The following CPD variants were observed in gnomAD, a reference collection of about 807,000 sequenced individuals.
CPD encodes carboxypeptidase D.
CPD carries 69 observed loss-of-function variants against 138.3 expected under a neutral mutation model. The ratio of observed to expected loss-of-function variants is 0.50; its 90% CI spans 0.41 to 0.61. CPD has a LOEUF of 0.61. Among genes scored for constraint, CPD ranks in the 20% least tolerant of loss-of-function variants. The pLI is 0.00. For missense variants in CPD, 1,432 were observed against 1,733.3 expected (o/e 0.83, Z 3.09); for synonymous variants, 651 against 642.1 (o/e 1.01, Z -0.21).
rs1913589563 is a variant in CPD, at chr17:30,464,757, T to C, written c.4086T>C (p.His1362=). Residue 1362 remains histidine (H), a synonymous_variant, in exon 21 of 21, where the codon CAT becomes CAC. Coordinates refer to ENST00000225719, the MANE Select transcript of CPD (RefSeq NM_001304.5). ...STGSKKSLLS[H]EFQDETDTEE... is the part of the protein sequence containing the mutation. ...GCTCCAAGAAGTCCCTCCTAAGCCA[T>C]GAGTTCCAGGATGAAACAGACACTG... 1 of 1,613,988 alleles carries C rather than the reference T, an allele frequency of 6.2e-7. No individual in the cohort carries two copies. The highest frequency in any genetic ancestry group is 2.2e-5 in the East Asian group (1 of 44,872).
intron 2 of CPD, among the ~76,000 whole-genome samples, chr17:30,406,577 G>C (rs1911804818): frequency 6.6e-6 from 1 of 152,002 alleles, no homozygotes; most frequent in African/African-American, 2.4e-5. Context: ...TGATCTTCTT[G>C]CTGGGTCTTA....
At chr17:30,437,275 C>T (rs1912727814) in intron 8 of CPD, among the ~76,000 whole-genome samples, 1 of 151,986 alleles carries the variant, frequency 6.6e-6, no homozygotes, top group Non-Finnish European at 1.5e-5. Context: ...TAAATGGAGT[C>T]AATGTGTGGA....
rs1412487774 is a variant in CPD at position 30,427,377 on chromosome 17, A to G, written c.1850-14A>G. 18 of 1,612,358 alleles carry G rather than the reference A, an allele frequency of 1.1e-5. No homozygotes were observed. Among genetic ancestry groups the G allele is most frequent in the Non-Finnish European group, 1.4e-5 (17 of 1,178,438 alleles). On this transcript the variant is annotated splice_polypyrimidine_tract_variant and intron_variant, in intron 6 of 20. Coordinates refer to ENST00000225719, the MANE Select transcript of CPD (RefSeq NM_001304.5). ...AACATGGCTTATATTCAAATCCTTTATCATATCATACAGGAGATTCAATAA... is the reference window on the plus strand; with the variant it reads ...AACATGGCTTATATTCAAATCCTTTGTCATATCATACAGGAGATTCAATAA...
chr17:30,433,287 A>G (rs1422506526), intron 8 of CPD, among the ~76,000 whole-genome samples: 1 of 152,196 alleles, frequency 6.6e-6, no homozygotes, highest in Admixed American at 6.5e-5. Flanking sequence ...CCAACCATCA[A>G]AATAAAAATT....
At chr17:30,431,511 A>G (rs962331445) in intron 7 of CPD, among the ~76,000 whole-genome samples, 1 of 152,078 alleles carries the variant, frequency 6.6e-6, no homozygotes, top group African/African-American at 2.4e-5. Context: ...TATTGATGCT[A>G]ATTATTTTTT....
intron 2 of CPD, among the ~76,000 whole-genome samples, chr17:30,420,203 T>C (rs1912228815): frequency 6.6e-6 from 1 of 152,228 alleles, no homozygotes; most frequent in Admixed American, 6.5e-5. Context: ...ATCTTCCGTT[T>C]AACACATTTT....
chr17:30,436,274 C>T (rs1435505212), intron 8 of CPD, among the ~76,000 whole-genome samples: 1 of 152,104 alleles, frequency 6.6e-6, no homozygotes, highest in African/African-American at 2.4e-5. Context: ...GATCATGCCA[C>T]TGCACTCCAG....
intron 2 of CPD, among the ~76,000 whole-genome samples, chr17:30,390,465 A>T (rs1255744025): frequency 6.6e-6 from 1 of 152,248 alleles, no homozygotes; most frequent in East Asian, 1.9e-4. Context: ...TAACTTGTGC[A>T]ATATAATGTA....
Position 30,394,310 on chromosome 17 carries a change from A to G in CPD, c.994+9074A>G, listed in dbSNP as rs145344479. 1.7e-4 allele frequency among the ~76,000 whole-genome samples: 26 copies of G among 152,210 alleles called. No individual in the cohort carries two copies. In the East Asian group the frequency reaches 3.9e-3, roughly 23 times the overall value. ...CCTACCTCTCCTCTGCCACCGGACTACTTGTCCTTCCCAAATGTGAACCTT... is the reference window on the plus strand; with the variant it reads ...CCTACCTCTCCTCTGCCACCGGACTGCTTGTCCTTCCCAAATGTGAACCTT... On this transcript the variant is annotated intron_variant, in intron 2 of 20. Coordinates refer to ENST00000225719, the MANE Select transcript of CPD (RefSeq NM_001304.5).
At chr17:30,387,681 G>A (rs973864912) in intron 2 of CPD, among the ~76,000 whole-genome samples, 6 of 152,236 alleles carry the variant, frequency 3.9e-5, no homozygotes, top group Admixed American at 6.5e-5. Flanking sequence ...ATTATAAAGT[G>A]TCTTATGACA....
At chr17:30,420,788 G>T (rs1336180653) in intron 2 of CPD, 53 bp from the exon 3 acceptor site, 4 of 1,497,118 alleles carry the variant, frequency 2.7e-6, no homozygotes, top group African/African-American at 1.4e-5. Flanking sequence ...CAGTCTTTTG[G>T]AGGGTAGAAT....
In CPD at chr17:30,446,035, C is replaced by T; in HGVS notation, c.2873+15C>T. 7.1e-7 allele frequency: 1 copy of T among 1,416,650 alleles called. No homozygotes were observed. Among genetic ancestry groups the T allele is most frequent in the South Asian group, 1.3e-5 (1 of 77,802 alleles). The allele number at this position is 1,416,650 out of a possible 1,614,324, so 87.8% of individuals were successfully genotyped here. On this transcript the variant is annotated intron_variant, in intron 12 of 20. Coordinates refer to ENST00000225719, the MANE Select transcript of CPD (RefSeq NM_001304.5). ...AATCTTACCAAGTAAGTGTCACTTT[C>T]TATTGTCTTTTTTTTTTTTTCAAGA...
At chr17:30,443,101 T>A (rs1912924185) in intron 10 of CPD, among the ~76,000 whole-genome samples, 1 of 152,134 alleles carries the variant, frequency 6.6e-6, no homozygotes, top group African/African-American at 2.4e-5. Context: ...ATACCTAGAT[T>A]TAACATTTTT....
chr17:30,421,612 G>A (rs573768546), intron 3 of CPD, 52 bp from the exon 4 acceptor site: 8 of 1,537,948 alleles, frequency 5.2e-6, no homozygotes, highest in East Asian at 2.3e-5. Flanking sequence ...GAAATTATGC[G>A]CTCTTGCCTT....
intron 17 of CPD, among the ~76,000 whole-genome samples, chr17:30,457,732 C>T (rs1041889795): frequency 6.6e-6 from 1 of 151,568 alleles, no homozygotes; most frequent in Admixed American, 6.6e-5. Flanking sequence ...ATGGCTCCTT[C>T]GCAGCTTATT....
chr17:30,465,601 T>TA lies in CPD; in HGVS notation c.*792dup, dbSNP rs1913615254. 6.6e-6 allele frequency: 1 copy of TA among 152,628 alleles called. No homozygotes were observed. Among genetic ancestry groups the TA allele is most frequent in the African/African-American group, 2.4e-5 (1 of 41,448 alleles). The allele number at this position is 152,628 out of a possible 1,614,324, so 9.5% of individuals were successfully genotyped here. The stretch of plus-strand genomic sequence containing the variant: ...TCATGTTGTCTATCTTTGAACTTGG[T>TA]AAAAACCCACAGGTGCTGCTGCTTA... On this transcript the variant is annotated 3_prime_UTR_variant, in exon 21 of 21. Coordinates refer to ENST00000225719, the MANE Select transcript of CPD (RefSeq NM_001304.5).
At chr17:30,461,127 C>G in intron 17 of CPD, 53 bp from the exon 18 acceptor site, 1 of 1,415,584 alleles carries the variant, frequency 7.1e-7, no homozygotes, top group South Asian at 1.4e-5. Flanking sequence ...AAGCCTTATT[C>G]TTTCTTTTAC....
intron 17 of CPD, among the ~76,000 whole-genome samples, chr17:30,459,169 G>GT (rs1913388221): frequency 2.2e-5 from 2 of 91,224 alleles, no homozygotes; most frequent in Non-Finnish European, 2.2e-5. Context: ...TTTTTTGGTT[G>GT]TTGTTTTCCT....
In CPD at chr17:30,468,463, G is replaced by A. The variant is rs1441491393; in HGVS notation, c.*3649G>A. 1.3e-5 allele frequency: 2 copies of A among 152,598 alleles called. No homozygotes were observed. Among genetic ancestry groups the A allele is most frequent in the South Asian group, 2.1e-4 (1 of 4,824 alleles). The allele number at this position is 152,598 out of a possible 1,614,324, so 9.5% of individuals were successfully genotyped here. On this transcript the variant is annotated 3_prime_UTR_variant, in exon 21 of 21. Transcript: ENST00000225719. ...GAGCAATCTACAGCTGTTTATGTGA[G>A]GTGCCCAACACCCATTCATCTCAAG...
Sources: gnomAD v4.1 joint callset for allele counts (sites outside exome capture counted in the v4.1 genomes callset) on GRCh38, gnomAD v4.1.1 for gene constraint, MANE v1.5 for transcripts, NCBI Gene and HGNC (gene_info 2026-07-23, HGNC 2026-07-21) for gene names.